The following COL6A6 variants were observed in gnomAD, a reference collection of about 807,000 sequenced individuals.
COL6A6 encodes the protein collagen type VI alpha 6 chain.
In COL6A6, 183 loss-of-function variants were observed where a neutral mutation model predicts 208.6. That is an observed-to-expected ratio of 0.88 (90% CI 0.78 to 0.99). The LOEUF (loss-of-function observed/expected upper bound fraction) is 0.99. Ranked by LOEUF, COL6A6 falls within the 50% of genes least tolerant of loss-of-function variation. The probability of loss-of-function intolerance (pLI) is 0.00; values close to 1 mark genes in which losing one functional copy is unlikely to be tolerated. For synonymous variants in COL6A6, 973 were observed against 1,011.8 expected (o/e 0.96, Z 0.73); for missense variants, 2,816 against 2,815.2 (o/e 1.00, Z -0.01).
At chr3:130,540,659 C>A (rs150197669) in intron 1 of COL6A6, among the ~76,000 whole-genome samples, 2 of 152,212 alleles carry the variant, frequency 1.3e-5, no homozygotes, top group Non-Finnish European at 2.9e-5. Flanking sequence ...CCTCCCTGAC[C>A]CCACCCTCCC....
rs191217995 is a variant in COL6A6 at position 130,590,673 on chromosome 3, G to T, written c.4219-368G>T. On this transcript the variant is annotated intron_variant, in intron 12 of 36. Transcript: ENST00000358511. ...AGCTCCGCCTCCCGGGTTCACGCCA[G>T]TCTCCTGCCTCGGCCTCCTGAGTAG... Among the ~76,000 whole-genome samples the T allele has an allele frequency of 1.5e-3, 222 of 151,920 alleles. 1 individual carries two copies. The highest frequency in any genetic ancestry group is 5.0e-3 in the African/African-American group (209 of 41,460).
chr3:130,659,685 T>C (rs16830719), intron 34 of COL6A6, among the ~76,000 whole-genome samples: 3,147 of 152,332 alleles, frequency 0.021, 90 homozygotes, highest in East Asian at 0.1. Context: ...AGGCTGACTC[T>C]AAACCGTCTG....
At chr3:130,640,156 C>T (rs576847335) in intron 28 of COL6A6, among the ~76,000 whole-genome samples, 1 of 152,136 alleles carries the variant, frequency 6.6e-6, no homozygotes, top group Admixed American at 6.5e-5. Context: ...TTTCCCTCAC[C>T]TCCACTTCTG....
intron 24 of COL6A6, among the ~76,000 whole-genome samples, chr3:130,623,075 G>A (rs1043227045): frequency 2.0e-5 from 3 of 152,158 alleles, no homozygotes; most frequent in African/African-American, 7.2e-5. Context: ...TCAGTGGCCA[G>A]CACGGTGTTA....
intron 12 of COL6A6, among the ~76,000 whole-genome samples, chr3:130,590,837 A>G (rs1339310397): frequency 3.3e-5 from 5 of 151,700 alleles, no homozygotes; most frequent in African/African-American, 1.2e-4. Context: ...AAAGTGCTGG[A>G]ATTACAGGCA....
At position 130,517,313 on chromosome 3, in the gene COL6A6, C is replaced by A. The variant is rs34491196; in HGVS notation, c.-116C>A. Among the ~76,000 whole-genome samples, 1 of 152,176 alleles carries A rather than the reference C, an allele frequency of 6.6e-6. No homozygotes were observed. Among genetic ancestry groups the A allele is most frequent in the African/African-American group, 2.4e-5 (1 of 41,454 alleles). ...AAACTCTGCGCTCCCCGCGGTGCGC[C>A]CTGCCCGCGCAGTGCGCGTCCAGAG... On this transcript the variant is annotated 5_prime_UTR_variant, in exon 1 of 37. Transcript: ENST00000358511.
At chr3:130,560,006 T>C (rs1175933885) in intron 1 of COL6A6, among the ~76,000 whole-genome samples, 2 of 152,140 alleles carry the variant, frequency 1.3e-5, no homozygotes, top group Admixed American at 6.5e-5. Context: ...TAGCAATGAA[T>C]AGATAGAGGA....
intron 20 of COL6A6, among the ~76,000 whole-genome samples, chr3:130,602,647 A>C (rs1412515714): frequency 1.3e-5 from 2 of 152,254 alleles, no homozygotes; most frequent in Non-Finnish European, 2.9e-5. Flanking sequence ...GATGTAAGAC[A>C]TGTTAACACC....
At chr3:130,596,456 G>T (rs867012746) in intron 18 of COL6A6, among the ~76,000 whole-genome samples, 6 of 152,136 alleles carry the variant, frequency 3.9e-5, no homozygotes, top group Non-Finnish European at 5.9e-5. Flanking sequence ...TAAAAGAAAT[G>T]CTCTATGACT....
intron 29 of COL6A6, among the ~76,000 whole-genome samples, chr3:130,642,524 C>T (rs184791003): frequency 6.2e-4 from 95 of 152,246 alleles, no homozygotes; most frequent in Admixed American, 9.2e-4. Context: ...CAGAGCTCTG[C>T]GGCAAGTGTC....
intron 29 of COL6A6, 44 bp from the exon 30 acceptor site, chr3:130,642,788 G>T: frequency 6.3e-7 from 1 of 1,576,084 alleles, no homozygotes; most frequent in South Asian, 1.1e-5. Flanking sequence ...CTACTGATGT[G>T]TATGTCTAGA....
At chr3:130,573,563 C>CTTTT (rs55821593) in intron 7 of COL6A6, among the ~76,000 whole-genome samples, 3 of 84,530 alleles carry the variant, frequency 3.5e-5, no homozygotes, top group African/African-American at 8.0e-5. Context: ...TAGCTGCAAA[C>CTTTT]TTTTTTTTTT....
At position 130,649,515 on chromosome 3, in the gene COL6A6, G is replaced by A. The variant is rs1198774233; in HGVS notation, c.5686G>A (p.Val1896Met). The A allele has an allele frequency of 1.2e-6, 2 of 1,603,438 alleles. No homozygotes were observed. Among genetic ancestry groups the A allele is most frequent in the Non-Finnish European group, 1.7e-6 (2 of 1,174,714 alleles). ...GTTCGGCGCGCTTGAAATCATTCCCGTGGTGATCACTTTCAGCAACGTGCC... is the reference window on the plus strand; with the variant it reads ...GTTCGGCGCGCTTGAAATCATTCCCATGGTGATCACTTTCAGCAACGTGCC... ...MEFGALEIIP[V>M]VITFSNVPSV... The change falls in exon 33 of 37, where the codon GTG (valine) becomes ATG (methionine). Residue 1896 changes from valine to methionine, a missense_variant. Physicochemically the swap from Val to Met is conservative, Grantham distance 21. Transcript: ENST00000358511.
intron 32 of COL6A6, among the ~76,000 whole-genome samples, chr3:130,648,122 T>C (rs1224115715): frequency 6.6e-6 from 1 of 152,194 alleles, no homozygotes; most frequent in Non-Finnish European, 1.5e-5. Flanking sequence ...ATTAGAATGA[T>C]TTGGAACCAA....
rs923811385 is a variant in COL6A6 at position 130,610,695 on chromosome 3, G to C, written c.4799G>C (p.Gly1600Ala). The C allele has an allele frequency of 6.3e-7, 1 of 1,589,730 alleles. No homozygotes were observed. The highest frequency in any genetic ancestry group is 8.6e-7 in the Non-Finnish European group (1 of 1,167,172). ...GTGAAAGGAGAAAAAGGAGGTGTGG[G>C]AAGTAAAGGTCCCCAGGTATGTAAT... ...AGVKGEKGGV[G>A]SKGPQGPPGP... Residue 1600 changes from glycine (G) to alanine (A), a missense_variant, in exon 23 of 37, where the codon GGA (glycine) becomes GCA (alanine). Coordinates refer to ENST00000358511, the MANE Select transcript of COL6A6 (RefSeq NM_001102608.3).
intron 1 of COL6A6, among the ~76,000 whole-genome samples, chr3:130,544,609 C>T (rs2062448963): frequency 6.6e-6 from 1 of 152,080 alleles, no homozygotes; most frequent in African/African-American, 2.4e-5. Flanking sequence ...CTGGGCAACT[C>T]CATACTGTTT....
chr3:130,645,613 T>C (rs2065443583), intron 32 of COL6A6, among the ~76,000 whole-genome samples: 1 of 152,178 alleles, frequency 6.6e-6, no homozygotes, highest in Non-Finnish European at 1.5e-5. Flanking sequence ...ATTTTCTCCC[T>C]GTGTCATATC....
intron 28 of COL6A6, 64 bp from the exon 29 acceptor site, chr3:130,641,588 T>C: frequency 1.4e-6 from 1 of 720,308 alleles, no homozygotes; most frequent in Non-Finnish European, 2.1e-6. Context: ...TTTTTAAAAT[T>C]TGAATTTACA....
chr3:130,593,508 A>G (rs1189928678), intron 17 of COL6A6, among the ~76,000 whole-genome samples: 1 of 152,152 alleles, frequency 6.6e-6, no homozygotes, highest in East Asian at 1.9e-4. Flanking sequence ...ACCAGGAGCT[A>G]GCCTAACCAT....
Sources: allele counts gnomAD v4.1 joint callset (sites outside exome capture counted in the v4.1 genomes callset), GRCh38; gene constraint gnomAD v4.1.1; transcripts MANE v1.5; gene names NCBI Gene and HGNC (gene_info 2026-07-23, HGNC 2026-07-21).